PVT1: variants seen among roughly 807,000 people sequenced by gnomAD.
PVT1 encodes CXCR4/PVT1 fusion.
chr8:128,087,540 A>C (rs2130162186), intron 5 of PVT1, among the ~76,000 whole-genome samples: 1 of 152,308 alleles, frequency 6.6e-6, no homozygotes, highest in Middle Eastern at 3.4e-3. Context: ...TGAATCAAAA[A>C]CATGGATCAC....
At chr8:128,058,592 G>A (rs1813791135) in intron 4 of PVT1, among the ~76,000 whole-genome samples, 1 of 152,154 alleles carries the variant, frequency 6.6e-6, no homozygotes, top group Non-Finnish European at 1.5e-5. Flanking sequence ...TAAGTGTCTA[G>A]GCAGACATTT....
chr8:127,873,853 A>G (rs1173101178), intron 2 of PVT1, among the ~76,000 whole-genome samples: 1 of 152,210 alleles, frequency 6.6e-6, no homozygotes, highest in Non-Finnish European at 1.5e-5. Flanking sequence ...CTCTTCATTA[A>G]AAATGGTCTC....
At chr8:127,999,147 G>A (rs1029561158) in intron 4 of PVT1, 1 of 151,994 alleles carries the variant, frequency 6.6e-6, no homozygotes, top group African/African-American at 2.4e-5. Context: ...ACCTGGCAGG[G>A]GAGATACCAT....
At chr8:127,951,122 T>C (rs1816500745) in intron 3 of PVT1, among the ~76,000 whole-genome samples, 1 of 152,132 alleles carries the variant, frequency 6.6e-6, no homozygotes, top group African/African-American at 2.4e-5. Flanking sequence ...GGTCTCGAAC[T>C]CTTGACCTCA....
chr8:127,998,259 C>T (rs1009895725), intron 4 of PVT1: 5 of 152,238 alleles, frequency 3.3e-5, no homozygotes, highest in Non-Finnish European at 7.3e-5. Flanking sequence ...CTTCCTTCTC[C>T]ATGGCTAGAG....
At chr8:128,024,116 G>A (rs184929475) in intron 4 of PVT1, among the ~76,000 whole-genome samples, 19 of 152,256 alleles carry the variant, frequency 1.2e-4, no homozygotes, top group South Asian at 2.1e-4. Flanking sequence ...CCCCACCACC[G>A]TCTGCAGAGC....
intron 2 of PVT1, among the ~76,000 whole-genome samples, chr8:127,825,727 G>GTA (rs1814780280): frequency 6.6e-6 from 1 of 152,128 alleles, no homozygotes; most frequent in Non-Finnish European, 1.5e-5. Flanking sequence ...GTTCCTAGCC[G>GTA]CGTCACTCAA....
chr8:128,008,727 A>G (rs1817276351), intron 4 of PVT1, among the ~76,000 whole-genome samples: 1 of 152,196 alleles, frequency 6.6e-6, no homozygotes, highest in African/African-American at 2.4e-5. Flanking sequence ...GTTTTTATCA[A>G]TCCCTGACCA....
chr8:127,881,581 C>T (rs1016750549), intron 2 of PVT1, among the ~76,000 whole-genome samples: 2 of 151,594 alleles, frequency 1.3e-5, no homozygotes, highest in Admixed American at 6.6e-5. Flanking sequence ...CTCAGCCTCC[C>T]GAGTAGCTGA....
intron 4 of PVT1, among the ~76,000 whole-genome samples, chr8:128,062,754 G>A (rs571773592): frequency 6.6e-6 from 1 of 152,092 alleles, no homozygotes; most frequent in South Asian, 2.1e-4. Context: ...ACCACTAGTT[G>A]CTTGTGAATT....
At chr8:127,966,379 C>G (rs1264870956) in intron 3 of PVT1, among the ~76,000 whole-genome samples, 4 of 152,180 alleles carry the variant, frequency 2.6e-5, no homozygotes, top group Non-Finnish European at 4.4e-5. Flanking sequence ...CACTTGGACC[C>G]TGAGTCTTAG....
chr8:127,966,580 C>G (rs874420), intron 3 of PVT1, among the ~76,000 whole-genome samples: 2,796 of 152,296 alleles, frequency 0.018, 81 homozygotes, highest in African/African-American at 0.064. Context: ...TTTCTGTAAC[C>G]TGAACTGCCT....
chr8:127,942,068 C>T (rs1037537264), intron 3 of PVT1, among the ~76,000 whole-genome samples: 3 of 152,166 alleles, frequency 2.0e-5, no homozygotes, highest in African/African-American at 7.2e-5. Flanking sequence ...AGATGTTGGG[C>T]CCTCAGAGTG....
At chr8:127,839,555 T>A (rs13279144) in intron 2 of PVT1, among the ~76,000 whole-genome samples, 21,228 of 86,170 alleles carry the variant, frequency 0.25, 1,646 homozygotes, top group Admixed American at 0.34. Flanking sequence ...ATCTCAAAAA[T>A]AAAAAATAAA....
intron 2 of PVT1, among the ~76,000 whole-genome samples, chr8:127,882,258 C>T (rs1017008135): frequency 1.3e-5 from 2 of 152,030 alleles, no homozygotes; most frequent in Non-Finnish European, 1.5e-5. Flanking sequence ...TCCCAGCACA[C>T]GTTAGGGAGG....
chr8:128,100,142 CCTT>C (rs751064963), intron 6 of PVT1, among the ~76,000 whole-genome samples: 5,214 of 71,504 alleles, frequency 0.073, 265 homozygotes, highest in East Asian at 0.31. Flanking sequence ...TCCCTCCCTT[CCTT>C]CCTTCCTTCC....
At chr8:127,845,204 GGCCT>G (rs140866725) in intron 2 of PVT1, among the ~76,000 whole-genome samples, 6,624 of 152,194 alleles carry the variant, frequency 0.044, 514 homozygotes, top group African/African-American at 0.15. Flanking sequence ...TGGCACTGGG[GGCCT>G]GCCTAAAGCA....
At chr8:127,973,219 C>G (rs1816783383) in intron 3 of PVT1, among the ~76,000 whole-genome samples, 1 of 152,122 alleles carries the variant, frequency 6.6e-6, no homozygotes, top group African/African-American at 2.4e-5. Context: ...TAGTCATTTA[C>G]CTGTGTGCCC....
At chr8:127,942,423 C>T (rs1816364519) in intron 3 of PVT1, among the ~76,000 whole-genome samples, 1 of 152,220 alleles carries the variant, frequency 6.6e-6, no homozygotes. Context: ...CTGCAGGCAA[C>T]TACACAGCCA....
Sources: gnomAD v4.1 joint callset for allele counts (sites outside exome capture counted in the v4.1 genomes callset) on GRCh38, gnomAD v4.1.1 for gene constraint, MANE v1.5 for transcripts, NCBI Gene and HGNC (gene_info 2026-07-23, HGNC 2026-07-21) for gene names.